Variants in R3HDM2 observed in about 807,000 individuals in gnomAD.
R3HDM2 encodes R3H domain-containing protein 2.
Under a neutral mutation model 124.5 loss-of-function variants are expected in R3HDM2, and 38 were observed. The ratio of observed to expected loss-of-function variants is 0.31; its 90% CI spans 0.24 to 0.40. The LOEUF (loss-of-function observed/expected upper bound fraction) is 0.40. Among genes scored for constraint, R3HDM2 ranks in the 10% least tolerant of loss-of-function variants. R3HDM2 has a pLI of 1.00. For synonymous variants in R3HDM2, 391 were observed against 448.0 expected (o/e 0.87, Z 1.61); for missense variants, 869 against 1,236.9 (o/e 0.70, Z 4.46).
chr12:57,392,935 G>A (rs2066931274), intron 2 of R3HDM2, among the ~76,000 whole-genome samples: 1 of 151,052 alleles, frequency 6.6e-6, no homozygotes, highest in East Asian at 2.0e-4. Flanking sequence ...CTCCGGAGTA[G>A]CTGGGACTAC....
chr12:57,384,244 C>G (rs1315720582), intron 2 of R3HDM2, among the ~76,000 whole-genome samples: 2 of 151,824 alleles, frequency 1.3e-5, no homozygotes, highest in Non-Finnish European at 2.9e-5. Flanking sequence ...GTCCCAGCTA[C>G]TCGGGAGGCT....
rs2049527498 is a variant in R3HDM2, at chr12:57,295,306, T to A, written c.810+93A>T. On this transcript the variant is annotated intron_variant, in intron 10 of 23. Coordinates refer to ENST00000402412, the MANE Select transcript of R3HDM2 (RefSeq NM_001394031.1). ...ATACATTTCTCCGTACTAAGATATT[T>A]TGAGTTTTCTCCATCCCACAAAAAT... The A allele has an allele frequency of 4.8e-6, 4 of 825,494 alleles. 1 individual carries two copies. Among genetic ancestry groups the A allele is most frequent in the African/African-American group, 1.7e-5 (1 of 59,020 alleles). 51.1% of individuals were successfully genotyped at this position (825,494 alleles called of 1,614,324 possible).
chr12:57,288,925 C>G (rs1216604247), intron 12 of R3HDM2, 84 bp downstream of exon 12: 4 of 1,551,018 alleles, frequency 2.6e-6, no homozygotes, highest in East Asian at 4.9e-5. Flanking sequence ...TGGTTAACAT[C>G]AAAGAAAAGC....
chr12:57,282,179 C>T (rs1347756904), intron 13 of R3HDM2, among the ~76,000 whole-genome samples: 7 of 151,618 alleles, frequency 4.6e-5, no homozygotes, highest in African/African-American at 1.7e-4. Context: ...GCCGTGGTGG[C>T]GGGTGCCTGT....
chr12:57,352,094 G>A (rs1193701792), intron 2 of R3HDM2, among the ~76,000 whole-genome samples: 3 of 151,912 alleles, frequency 2.0e-5, no homozygotes, highest in Admixed American at 6.6e-5. Context: ...TCTAACAGTA[G>A]AGAAAGGAAA....
At chr12:57,288,958 C>T (rs934025927) in intron 12 of R3HDM2, 51 bp downstream of exon 12, 5 of 1,547,860 alleles carry the variant, frequency 3.2e-6, no homozygotes, top group Middle Eastern at 1.7e-4. Flanking sequence ...TTATATTAAC[C>T]TCACTGGCAA....
At chr12:57,255,861 C>T in intron 23 of R3HDM2, 129 bp downstream of exon 23, 1 of 726,366 alleles carries the variant, frequency 1.4e-6, no homozygotes, top group Non-Finnish European at 2.3e-6. Flanking sequence ...TTTCTGCTTG[C>T]TTTTGAGCAC....
chr12:57,410,759 A>G (rs1275799791), intron 1 of R3HDM2, among the ~76,000 whole-genome samples: 1 of 152,190 alleles, frequency 6.6e-6, no homozygotes, highest in African/African-American at 2.4e-5. Context: ...AGGATGAGGC[A>G]GAAGGATCGC....
chr12:57,380,413 A>G (rs926028292), intron 2 of R3HDM2, among the ~76,000 whole-genome samples: 7 of 152,338 alleles, frequency 4.6e-5, no homozygotes, highest in African/African-American at 1.7e-4. Flanking sequence ...GCAGGTAGAC[A>G]GAATGATGGC....
At chr12:57,389,091 A>C (rs2066296858) in intron 2 of R3HDM2, among the ~76,000 whole-genome samples, 2 of 152,208 alleles carry the variant, frequency 1.3e-5, no homozygotes, top group Admixed American at 1.3e-4. Context: ...CCTCCAGAGG[A>C]AATGCAAACA....
intron 13 of R3HDM2, among the ~76,000 whole-genome samples, chr12:57,282,687 G>A (rs1203264022): frequency 6.6e-6 from 1 of 152,050 alleles, no homozygotes; most frequent in Non-Finnish European, 1.5e-5. Context: ...ATCATAAAAA[G>A]AGCTGAGAAT....
chr12:57,298,015 C>G, intron 7 of R3HDM2, 75 bp downstream of exon 7: 1 of 1,040,716 alleles, frequency 9.6e-7, no homozygotes, highest in Admixed American at 2.0e-5. Flanking sequence ...TGGAAAAATT[C>G]TGGGAAGCCG....
chr12:57,368,863 C>T (rs2062979031), intron 2 of R3HDM2, among the ~76,000 whole-genome samples: 1 of 151,882 alleles, frequency 6.6e-6, no homozygotes, highest in Admixed American at 6.6e-5. Flanking sequence ...ATCTTGCGGA[C>T]CCCCCCAAAC....
At chr12:57,322,266 A>G (rs1038944324) in intron 2 of R3HDM2, among the ~76,000 whole-genome samples, 1 of 152,198 alleles carries the variant, frequency 6.6e-6, no homozygotes, top group African/African-American at 2.4e-5. Flanking sequence ...AGATCTGTGC[A>G]TTTTATTATA....
intron 1 of R3HDM2, among the ~76,000 whole-genome samples, chr12:57,420,067 C>T (rs2070039645): frequency 6.6e-6 from 1 of 152,272 alleles, no homozygotes; most frequent in South Asian, 2.1e-4. Context: ...CTCCCCACCC[C>T]TTTCCTGACC....
chr12:57,386,477 T>C (rs976833947), intron 2 of R3HDM2, among the ~76,000 whole-genome samples: 1 of 152,236 alleles, frequency 6.6e-6, no homozygotes, highest in South Asian at 2.1e-4. Flanking sequence ...TGTGCTCGAC[T>C]TCTTGCCGGG....
chr12:57,257,880 G>A (rs886141448), intron 21 of R3HDM2, 110 bp downstream of exon 21: 1 of 1,197,264 alleles, frequency 8.4e-7, no homozygotes. Flanking sequence ...TCCCAGAATT[G>A]GATCATCTAC....
Position 57,395,804 on chromosome 12 carries a change from A to G in R3HDM2, c.-91T>C. On this transcript the variant is annotated 5_prime_UTR_variant, in exon 2 of 24. Coordinates refer to ENST00000402412, the MANE Select transcript of R3HDM2 (RefSeq NM_001394031.1). ...GTGCTGGAATGGCATCACATATAAGAAACAAGTCTAACCTCTGGGGGAGGA... is the reference window on the plus strand; with the variant it reads ...GTGCTGGAATGGCATCACATATAAGGAACAAGTCTAACCTCTGGGGGAGGA... 2.0e-6 allele frequency: 2 copies of G among 985,132 alleles called. No homozygotes were observed. Among genetic ancestry groups the G allele is most frequent in the Non-Finnish European group, 2.4e-6 (2 of 829,730 alleles). 61.0% of individuals were successfully genotyped at this position (985,132 alleles called of 1,614,324 possible).
intron 2 of R3HDM2, among the ~76,000 whole-genome samples, chr12:57,384,310 C>T (rs1245447252): frequency 2.0e-5 from 3 of 150,470 alleles, no homozygotes; most frequent in African/African-American, 2.4e-5. Flanking sequence ...GCCGAGATCA[C>T]GCCACTGCAC....
Sources: allele counts gnomAD v4.1 joint callset (sites outside exome capture counted in the v4.1 genomes callset), GRCh38; gene constraint gnomAD v4.1.1; transcripts MANE v1.5; gene names NCBI Gene and HGNC (gene_info 2026-07-23, HGNC 2026-07-21).